The following ALPK1 variants were observed in gnomAD, a reference collection of about 807,000 sequenced individuals.
The protein encoded by ALPK1 is alpha kinase 1.
ALPK1 carries 110 observed loss-of-function variants against 120.6 expected under a neutral mutation model. The observed-to-expected ratio is 0.91, with a 90% CI of 0.78 to 1.07. ALPK1 has a LOEUF of 1.07. Ranked by LOEUF, ALPK1 falls within the 50% of genes least tolerant of loss-of-function variation. ALPK1 has a pLI of 0.00. For missense variants in ALPK1, 1,498 were observed against 1,483.9 expected (o/e 1.01, Z -0.16); for synonymous variants, 582 against 560.3 (o/e 1.04, Z -0.55).
chr4:112,360,839 T>C (rs1025285941), intron 2 of ALPK1, among the ~76,000 whole-genome samples: 1 of 152,220 alleles, frequency 6.6e-6, no homozygotes, highest in African/African-American at 2.4e-5. Flanking sequence ...AGTCCTTTGT[T>C]GTTTCTTTGA....
At chr4:112,333,815 C>T (rs1729493613) in intron 2 of ALPK1, among the ~76,000 whole-genome samples, 1 of 152,116 alleles carries the variant, frequency 6.6e-6, no homozygotes, top group Admixed American at 6.5e-5. Context: ...TGGTTAGACT[C>T]TCCTTCTGAT....
intron 5 of ALPK1, among the ~76,000 whole-genome samples, chr4:112,415,752 A>T (rs1469921304): frequency 6.6e-6 from 1 of 152,204 alleles, no homozygotes; most frequent in East Asian, 1.9e-4. Flanking sequence ...TATAGACAGG[A>T]TACAAGAATT....
intron 7 of ALPK1, 127 bp from the exon 8 acceptor site, chr4:112,426,340 A>T (rs9994944): frequency 1.6e-6 from 1 of 619,368 alleles, no homozygotes; most frequent in Non-Finnish European, 2.8e-6. Context: ...ATCTAAGCCT[A>T]AGTTTTCCTA....
chr4:112,316,089 G>A (rs1728622995), intron 2 of ALPK1: 1 of 152,076 alleles, frequency 6.6e-6, no homozygotes, highest in African/African-American at 2.4e-5. Flanking sequence ...ACATTTCAAT[G>A]GTATTAAGTA....
At chr4:112,411,122 G>A (rs894335365) in intron 4 of ALPK1, 1 of 155,014 alleles carries the variant, frequency 6.5e-6, no homozygotes, top group African/African-American at 2.4e-5. Flanking sequence ...TGGAAGGAAC[G>A]TCTCTCCCTA....
intron 5 of ALPK1, chr4:112,412,336 G>C: frequency 1.9e-6 from 1 of 540,474 alleles, no homozygotes; most frequent in Non-Finnish European, 3.5e-6. Context: ...TATCTGAATT[G>C]CTATACTTCT....
At chr4:112,319,858 T>A (rs1013155946) in intron 2 of ALPK1, among the ~76,000 whole-genome samples, 5 of 152,246 alleles carry the variant, frequency 3.3e-5, no homozygotes, top group African/African-American at 1.2e-4. Context: ...ACTGTTGATG[T>A]ATAGCAGAGC....
At chr4:112,421,437 G>A (rs990362624) in intron 5 of ALPK1, among the ~76,000 whole-genome samples, 6 of 152,154 alleles carry the variant, frequency 3.9e-5, no homozygotes, top group Admixed American at 6.5e-5. Flanking sequence ...CCACGCCCTT[G>A]GTTTGATCTT....
rs187582363 is a variant in ALPK1 at position 112,357,637 on chromosome 4, G to A, written c.-100-20041G>A. 8.1e-6 allele frequency: 13 copies of A among 1,608,244 alleles called. No individual in the cohort carries two copies. In the East Asian group the frequency reaches 8.9e-5, roughly 11 times the overall value. ...CTGCCTGGAGAACCCACACATCATC[G>A]ACAAGCACCAGATCTGGGTGGGGAT... On this transcript the variant is annotated intron_variant, in intron 2 of 15. Coordinates refer to ENST00000650871, the MANE Select transcript of ALPK1 (RefSeq NM_025144.4).
rs1220511381 is a variant in ALPK1 at position 112,439,719 on chromosome 4, A to G, written c.3385A>G (p.Ser1129Gly). The change falls in exon 14 of 16, where the codon AGT becomes GGT. Residue 1129 changes from serine to glycine, a missense_variant. Transcript: ENST00000650871. ...LEDKTIKGCI[S>G]VEPYILGEFV... ...GGACAAGACAATAAAGGGATGTATC[A>G]GTGTGGAGCCTTACATACTGGGAGA... The G allele has an allele frequency of 3.1e-6, 5 of 1,609,722 alleles. No individual in the cohort carries two copies. In the Admixed American group the frequency reaches 8.5e-5, roughly 27 times the overall value.
chr4:112,356,065 GT>G (rs145774632), intron 2 of ALPK1: 11,738 of 892,936 alleles, frequency 0.013, 307 homozygotes, highest in East Asian at 0.066. Context: ...TGTTTGGAGT[GT>G]TTTTTTCTCA....
At chr4:112,326,401 G>C (rs1023032013) in intron 2 of ALPK1, among the ~76,000 whole-genome samples, 1 of 152,156 alleles carries the variant, frequency 6.6e-6, no homozygotes, top group Non-Finnish European at 1.5e-5. Flanking sequence ...GGTCTACAGA[G>C]AGAAATGAAG....
At chr4:112,419,778 A>C (rs1181688978) in intron 5 of ALPK1, among the ~76,000 whole-genome samples, 8 of 152,212 alleles carry the variant, frequency 5.3e-5, no homozygotes, top group Non-Finnish European at 1.5e-5. Context: ...GCAGTTTAGC[A>C]CTGGTGAGTT....
intron 6 of ALPK1, among the ~76,000 whole-genome samples, chr4:112,424,897 C>T (rs578049476): frequency 6.6e-6 from 1 of 152,288 alleles, no homozygotes; most frequent in South Asian, 2.1e-4. Context: ...TGACCGACCA[C>T]TGACAGTTTT....
In ALPK1 at chr4:112,377,658, C is replaced by T; in HGVS notation, c.-100-20C>T. ...GATGATGCTTCAGTTAATCATCTTTCCCTCTCTTTTGTTCACCAGGTACTT... is the reference window on the plus strand; with the variant it reads ...GATGATGCTTCAGTTAATCATCTTTTCCTCTCTTTTGTTCACCAGGTACTT... On this transcript the variant is annotated intron_variant, in intron 2 of 15. Transcript: ENST00000650871. The T allele has an allele frequency of 1.1e-6, 1 of 947,002 alleles. No individual in the cohort carries two copies. The highest frequency in any genetic ancestry group is 1.5e-6 in the Non-Finnish European group (1 of 664,806). The allele number at this position is 947,002 out of a possible 1,614,324, so 58.7% of individuals were successfully genotyped here. A position where few individuals can be genotyped will look rare whatever the true frequency, so the allele number is the denominator to read the frequency against.
rs141312911 is a variant in ALPK1, at chr4:112,382,670, A to G, written c.276+118A>G. ...AAGACAGCCCCCTACCCTTATGCTC[A>G]GCTCTGCCAGATTGACTAATGTGAG... On this transcript the variant is annotated intron_variant, in intron 4 of 15. Coordinates refer to ENST00000650871, the MANE Select transcript of ALPK1 (RefSeq NM_025144.4). 2.9e-4 allele frequency: 401 copies of G among 1,372,740 alleles called. 2 individuals carry two copies. In the African/African-American group the frequency reaches 5.2e-3, roughly 18 times the overall value. The allele number at this position is 1,372,740 out of a possible 1,614,324, so 85.0% of individuals were successfully genotyped here.
At chr4:112,335,340 A>G (rs1729568149) in intron 2 of ALPK1, among the ~76,000 whole-genome samples, 1 of 152,098 alleles carries the variant, frequency 6.6e-6, no homozygotes. Context: ...TTGTGATTCT[A>G]ATCATTGAGC....
rs531373742 is a variant in ALPK1, at chr4:112,398,375, C to T, written c.277-13452C>T. 1.9e-4 allele frequency among the ~76,000 whole-genome samples: 29 copies of T among 152,142 alleles called. No individual in the cohort carries two copies. In the South Asian group the frequency reaches 6.0e-3, roughly 32 times the overall value. On this transcript the variant is annotated intron_variant, in intron 4 of 15. Transcript: ENST00000650871. ...TGGTGTGATCATAGCTCACTGTAAC[C>T]TCAAATTCCTCTGTTCAAGTGATCC...
chr4:112,441,413 G>A lies in ALPK1; in HGVS notation c.*203G>A, dbSNP rs1735036771. ...CTGCTTCTGGGCATAAGTCCTGCAA[G>A]GAAAGCAACATGGAAAACAGCCCCA... On this transcript the variant is annotated 3_prime_UTR_variant, in exon 16 of 16. Coordinates refer to ENST00000650871, the MANE Select transcript of ALPK1 (RefSeq NM_025144.4). 1 of 623,208 alleles carries A rather than the reference G, an allele frequency of 1.6e-6. No homozygotes were observed. The highest frequency in any genetic ancestry group is 1.8e-5 in the African/African-American group (1 of 54,644). 38.6% of individuals were successfully genotyped at this position (623,208 alleles called of 1,614,324 possible).
Sources: gnomAD v4.1 joint callset for allele counts (sites outside exome capture counted in the v4.1 genomes callset) on GRCh38, gnomAD v4.1.1 for gene constraint, MANE v1.5 for transcripts, NCBI Gene and HGNC (gene_info 2026-07-23, HGNC 2026-07-21) for gene names.